Variants in CSMD1 observed in about 807,000 individuals in gnomAD.
CSMD1 encodes CUB and Sushi multiple domains 1, also known as CUB and sushi domain-containing protein 1.
In CSMD1, 213 loss-of-function variants were observed where a neutral mutation model predicts 417.5. The ratio of observed to expected loss-of-function variants is 0.51; its 90% confidence interval spans 0.46 to 0.57. The LOEUF is 0.57. Ranked by LOEUF, CSMD1 falls within the 20% of genes least tolerant of loss-of-function variation. The probability of loss-of-function intolerance (pLI) is 0.00; values close to 1 mark genes in which losing one functional copy is unlikely to be tolerated. For missense variants in CSMD1, 6,923 were observed against 4,529.7 expected (o/e 1.53, Z -15.17); for synonymous variants, 2,862 against 1,736.8 (o/e 1.65, Z -16.11).
chr8:3,669,749 G>C lies in CSMD1; in HGVS notation c.1009+38665C>G, dbSNP rs138001898. The stretch of plus-strand genomic sequence containing the variant: ...CCAGGAGGACAGGGGCCCTGACCTG[G>C]CTAAGCCTGAGGCTACACACACTCA... On this transcript the variant is annotated intron_variant, in intron 7 of 69. Transcript: ENST00000635120. Among the ~76,000 whole-genome samples, 367 of 152,200 alleles carry C rather than the reference G, an allele frequency of 2.4e-3. 1 individual carries two copies. Among genetic ancestry groups the C allele is most frequent in the African/African-American group, 8.6e-3 (357 of 41,534 alleles).
At chr8:4,110,501 T>G (rs897582188) in intron 3 of CSMD1, among the ~76,000 whole-genome samples, 2 of 152,176 alleles carry the variant, frequency 1.3e-5, no homozygotes, top group Non-Finnish European at 2.9e-5. Flanking sequence ...TCATATATTA[T>G]TTTCCCCTAG....
intron 2 of CSMD1, among the ~76,000 whole-genome samples, chr8:4,519,029 T>G (rs1433030940): frequency 6.6e-6 from 1 of 152,168 alleles, no homozygotes; most frequent in Non-Finnish European, 1.5e-5. Context: ...ACCCAAACAC[T>G]CCTTATGGCT....
intron 1 of CSMD1, among the ~76,000 whole-genome samples, chr8:4,645,070 A>G (rs1392568433): frequency 6.6e-6 from 1 of 152,228 alleles, no homozygotes; most frequent in African/African-American, 2.4e-5. Flanking sequence ...TTCCAAAAGC[A>G]GAGTTGCTAT....
intron 4 of CSMD1, among the ~76,000 whole-genome samples, chr8:4,017,415 C>A (rs1488397438): frequency 1.3e-5 from 2 of 152,140 alleles, no homozygotes; most frequent in Non-Finnish European, 2.9e-5. Context: ...AATCGATTCT[C>A]CTGCCTCACT....
chr8:4,763,800 G>A (rs1426460242), intron 1 of CSMD1, among the ~76,000 whole-genome samples: 1 of 152,134 alleles, frequency 6.6e-6, no homozygotes, highest in Non-Finnish European at 1.5e-5. Context: ...CTAAAAGACT[G>A]CAATTAAAAT....
chr8:4,813,979 TCAA>T (rs1377130096), intron 1 of CSMD1, among the ~76,000 whole-genome samples: 3 of 152,246 alleles, frequency 2.0e-5, no homozygotes, highest in Non-Finnish European at 4.4e-5. Context: ...TCATAATTAA[TCAA>T]CAATTGTTGC....
chr8:3,907,309 A>ATATGTTAATTATCCAAGACATTAACT (rs1808179224), intron 5 of CSMD1, among the ~76,000 whole-genome samples: 1 of 152,188 alleles, frequency 6.6e-6, no homozygotes, highest in Non-Finnish European at 1.5e-5. Context: ...ATTAACGTGG[A>ATATGTTAATTATCCAAGACATTAACT]TGGTACATAT....
At chr8:4,772,947 G>C (rs557510857) in intron 1 of CSMD1, among the ~76,000 whole-genome samples, 2 of 152,136 alleles carry the variant, frequency 1.3e-5, no homozygotes, top group Non-Finnish European at 2.9e-5. Flanking sequence ...AACATTGCTG[G>C]AATATAACAC....
At chr8:3,436,052 C>T (rs527489884) in intron 12 of CSMD1, among the ~76,000 whole-genome samples, 1 of 152,170 alleles carries the variant, frequency 6.6e-6, no homozygotes, top group Non-Finnish European at 1.5e-5. Context: ...TTCACCAGCA[C>T]TCCCTTCCAG....
At chr8:3,802,003 C>A (rs922142759) in intron 5 of CSMD1, among the ~76,000 whole-genome samples, 1 of 151,994 alleles carries the variant, frequency 6.6e-6, no homozygotes, top group Non-Finnish European at 1.5e-5. Context: ...ATTCTAAAAT[C>A]GGATTGTGAT....
chr8:3,945,151 T>C (rs1487146393), intron 5 of CSMD1, among the ~76,000 whole-genome samples: 1 of 141,832 alleles, frequency 7.1e-6, no homozygotes, highest in South Asian at 2.2e-4. Flanking sequence ...TGAACAATGA[T>C]TGCCAATAAT....
At chr8:3,322,103 C>A (rs1022141807) in intron 23 of CSMD1, among the ~76,000 whole-genome samples, 7 of 152,174 alleles carry the variant, frequency 4.6e-5, no homozygotes, top group African/African-American at 1.7e-4. Flanking sequence ...GTGCAGACAT[C>A]TTCAGTGTTA....
intron 1 of CSMD1, among the ~76,000 whole-genome samples, chr8:4,815,434 G>A (rs1266930922): frequency 1.3e-5 from 2 of 152,000 alleles, no homozygotes; most frequent in South Asian, 2.1e-4. Flanking sequence ...ATTGGCTCAA[G>A]CCTATAATCC....
At chr8:3,738,762 A>C (rs1168387510) in intron 6 of CSMD1, among the ~76,000 whole-genome samples, 1 of 152,228 alleles carries the variant, frequency 6.6e-6, no homozygotes, top group Non-Finnish European at 1.5e-5. Context: ...GTAACGTAAA[A>C]TAAAACAACC....
chr8:4,882,057 T>A (rs568603215), intron 1 of CSMD1, among the ~76,000 whole-genome samples: 2 of 152,212 alleles, frequency 1.3e-5, no homozygotes, highest in South Asian at 4.1e-4. Flanking sequence ...GAATTTCTGT[T>A]TTCTTATTTA....
At chr8:3,981,839 C>G (rs1238908633) in intron 5 of CSMD1, among the ~76,000 whole-genome samples, 2 of 152,130 alleles carry the variant, frequency 1.3e-5, no homozygotes, top group African/African-American at 4.8e-5. Context: ...AGCAGGAGGG[C>G]GTGCACTTGC....
chr8:4,298,490 T>C (rs1293660364), intron 3 of CSMD1, among the ~76,000 whole-genome samples: 1 of 152,132 alleles, frequency 6.6e-6, no homozygotes, highest in Non-Finnish European at 1.5e-5. Flanking sequence ...ATTATTTGAG[T>C]AATGGATACC....
intron 1 of CSMD1, among the ~76,000 whole-genome samples, chr8:4,781,986 C>G (rs1305123251): frequency 2.0e-5 from 3 of 152,164 alleles, no homozygotes; most frequent in Non-Finnish European, 4.4e-5. Flanking sequence ...CTTCATTTCT[C>G]CAGAGTTTCC....
intron 3 of CSMD1, among the ~76,000 whole-genome samples, chr8:4,383,256 C>G (rs1258532911): frequency 1.3e-5 from 2 of 152,124 alleles, no homozygotes; most frequent in Non-Finnish European, 2.9e-5. Flanking sequence ...GCAGCATTGT[C>G]TAGTACAGTT....
Sources: allele counts gnomAD v4.1 joint callset (sites outside exome capture counted in the v4.1 genomes callset), GRCh38; gene constraint gnomAD v4.1.1; transcripts MANE v1.5; gene names NCBI Gene and HGNC (gene_info 2026-07-23, HGNC 2026-07-21).